Variants in TTC6 observed in about 807,000 individuals in gnomAD.
The protein encoded by TTC6 is tetratricopeptide repeat domain 6, also known as tetratricopeptide repeat protein 6.
In TTC6, 172 loss-of-function variants were observed where a neutral mutation model predicts 210.4. The ratio of observed to expected loss-of-function variants is 0.82; its 90% CI spans 0.72 to 0.93. TTC6 has a LOEUF of 0.93. TTC6 is among the 40% of genes least tolerant of loss of function. TTC6 has a pLI of 0.00. For missense variants in TTC6, 2,414 were observed against 2,318.1 expected, an observed-to-expected ratio of 1.04 and a Z score of -0.85; for synonymous variants, 804 against 819.6, an observed-to-expected ratio of 0.98 and a Z score of 0.32.
intron 5 of TTC6, among the ~76,000 whole-genome samples, chr14:37,706,838 C>G (rs2095836516): frequency 6.6e-6 from 1 of 151,918 alleles, no homozygotes; most frequent in African/African-American, 2.4e-5. Context: ...TCATTTTAGT[C>G]TGTCTTAGTT....
At chr14:37,647,352 G>A (rs999599462) in intron 1 of TTC6, among the ~76,000 whole-genome samples, 14 of 152,242 alleles carry the variant, frequency 9.2e-5, no homozygotes, top group Non-Finnish European at 1.9e-4. Context: ...AATAATCCAG[G>A]TGAGAGATGA....
At chr14:37,680,232 T>G in exon 2 of TTC6, 3 of 1,533,926 alleles carry the variant, frequency 2.0e-6, no homozygotes, top group Non-Finnish European at 2.6e-6. Flanking sequence ...AGAGTATAAA[T>G]TCCAGATGGG....
exon 28 of TTC6, chr14:37,826,248 T>C: frequency 1.2e-6 from 2 of 1,612,124 alleles, no homozygotes; most frequent in Non-Finnish European, 1.7e-6. Context: ...CCATAGATAC[T>C]GATCCAAAGA....
intron 7 of TTC6, among the ~76,000 whole-genome samples, chr14:37,725,312 G>GTATATATATA (rs1169644241): frequency 2.1e-4 from 7 of 33,914 alleles, no homozygotes; most frequent in Non-Finnish European, 3.4e-4. Context: ...GTGTGTGTGT[G>GTATATATATA]TATATATATA....
intron 2 of TTC6, among the ~76,000 whole-genome samples, chr14:37,616,918 C>T (rs1212400501): frequency 1.3e-5 from 2 of 151,926 alleles, no homozygotes; most frequent in Non-Finnish European, 2.9e-5. Context: ...TCTTTGTCAC[C>T]CAGGCTGGAG....
intron 26 of TTC6, 36 bp downstream of exon 28, chr14:37,817,687 C>T: frequency 6.3e-7 from 1 of 1,580,440 alleles, no homozygotes; most frequent in Non-Finnish European, 8.7e-7. Flanking sequence ...TGGAATCAAG[C>T]AGGACCATCA....
chr14:37,610,642 G>C (rs914731504), intron 2 of TTC6, among the ~76,000 whole-genome samples: 2 of 152,174 alleles, frequency 1.3e-5, no homozygotes, highest in African/African-American at 4.8e-5. Flanking sequence ...AGGTTAAAAA[G>C]CAGAATGTTA....
intron 29 of TTC6, among the ~76,000 whole-genome samples, chr14:37,833,811 G>A (rs2096191627): frequency 6.6e-6 from 1 of 151,988 alleles, no homozygotes; most frequent in Non-Finnish European, 1.5e-5. Flanking sequence ...TTTTTATGAT[G>A]GTGGATATTG....
intron 24 of TTC6, 45 bp downstream of exon 26, chr14:37,808,891 A>C: frequency 1.0e-6 from 1 of 955,226 alleles, no homozygotes; most frequent in South Asian, 1.5e-5. Flanking sequence ...AGTGTTTAAT[A>C]AATAACATGC....
intron 25 of TTC6, among the ~76,000 whole-genome samples, chr14:37,813,895 T>G (rs1225298138): frequency 6.6e-6 from 1 of 152,184 alleles, no homozygotes; most frequent in Non-Finnish European, 1.5e-5. Flanking sequence ...GCCACTGCTA[T>G]CTTCCTTTCA....
intron 1 of TTC6, among the ~76,000 whole-genome samples, chr14:37,651,847 G>C (rs969311824): frequency 1.3e-5 from 2 of 152,168 alleles, no homozygotes; most frequent in African/African-American, 4.8e-5. Context: ...GCCAGGGTGG[G>C]ATGCAGAGTC....
chr14:37,795,920 C>G (rs573503854), intron 18 of TTC6, among the ~76,000 whole-genome samples: 107 of 152,220 alleles, frequency 7.0e-4, no homozygotes, highest in Non-Finnish European at 1.3e-3. Flanking sequence ...CAATGCTTTA[C>G]TGATAAGGGC....
chr14:37,622,907 C>CGCCTCT, exon 1 of TTC6: 2 of 1,534,870 alleles, frequency 1.3e-6, no homozygotes, highest in Non-Finnish European at 1.7e-6. Context: ...AAGAGATCAT[C>CGCCTCT]GCCTCTCTGC....
chr14:37,678,470 C>T (rs1443525213), intron 1 of TTC6, among the ~76,000 whole-genome samples: 2 of 152,132 alleles, frequency 1.3e-5, no homozygotes, highest in African/African-American at 4.8e-5. Flanking sequence ...CCTCAAGGAC[C>T]CTATGCCGAT....
At chr14:37,616,188 A>G (rs1464616066) in intron 2 of TTC6, among the ~76,000 whole-genome samples, 1 of 152,168 alleles carries the variant, frequency 6.6e-6, no homozygotes, top group Non-Finnish European at 1.5e-5. Flanking sequence ...TGTGGGGTTT[A>G]GATAGAATTT....
intron 1 of TTC6, among the ~76,000 whole-genome samples, chr14:37,625,385 TA>T (rs2095658463): frequency 6.6e-6 from 1 of 151,758 alleles, no homozygotes; most frequent in South Asian, 2.1e-4. Flanking sequence ...CCATCTCTAC[TA>T]AAAATACAAA....
At chr14:37,716,993 A>T (rs2095853772) in intron 6 of TTC6, among the ~76,000 whole-genome samples, 1 of 152,150 alleles carries the variant, frequency 6.6e-6, no homozygotes, top group Non-Finnish European at 1.5e-5. Context: ...TAAATAATCT[A>T]TAGGTTAAAG....
intron 14 of TTC6, among the ~76,000 whole-genome samples, chr14:37,783,830 G>A (rs1184709712): frequency 6.6e-6 from 1 of 152,090 alleles, no homozygotes; most frequent in Non-Finnish European, 1.5e-5. Context: ...GGGATTTTGT[G>A]TCTTTGTTCT....
chr14:37,745,596 G>T (rs926884183), intron 10 of TTC6, among the ~76,000 whole-genome samples: 3 of 152,072 alleles, frequency 2.0e-5, no homozygotes, highest in South Asian at 4.1e-4. Context: ...ATCAAAAAAT[G>T]GGTCCATGTC....
Sources: allele counts gnomAD v4.1 joint callset (sites outside exome capture counted in the v4.1 genomes callset), GRCh38; gene constraint gnomAD v4.1.1; transcripts MANE v1.5; gene names NCBI Gene and HGNC (gene_info 2026-07-23, HGNC 2026-07-21).